EFCAB3: variants seen among roughly 807,000 people sequenced by gnomAD.
The protein encoded by EFCAB3 is EF-hand calcium binding domain 3, also known as EF-hand calcium-binding domain-containing protein 3.
EFCAB3 carries 36 observed loss-of-function variants against 42.2 expected under a neutral mutation model. The ratio of observed to expected loss-of-function variants is 0.85; its 90% CI spans 0.65 to 1.13. The LOEUF (loss-of-function observed/expected upper bound fraction) is 1.13. Ranked by LOEUF, EFCAB3 falls within the 50% of genes most tolerant of loss-of-function variation. EFCAB3 has a pLI of 0.00. For missense variants in EFCAB3, 418 were observed against 505.1 expected, an observed-to-expected ratio of 0.83 and a Z score of 1.65; for synonymous variants, 170 against 172.8, an observed-to-expected ratio of 0.98 and a Z score of 0.13.
intron 8 of EFCAB3, among the ~76,000 whole-genome samples, chr17:62,410,014 A>G (rs146603917): frequency 0.072 from 10,969 of 151,892 alleles, 485 homozygotes; most frequent in South Asian, 0.24. Flanking sequence ...AGCCTGACCA[A>G]CATGGAGAAA....
chr17:62,383,499 G>T (rs576304900), intron 2 of EFCAB3, among the ~76,000 whole-genome samples: 9 of 152,090 alleles, frequency 5.9e-5, no homozygotes, highest in Admixed American at 3.3e-4. Flanking sequence ...TATATTAAAT[G>T]CTCATAAAGA....
At chr17:62,398,121 G>A (rs556286073) in intron 6 of EFCAB3, 3 of 284,738 alleles carry the variant, frequency 1.1e-5, no homozygotes, top group South Asian at 9.9e-5. Context: ...ACAAAGGCAC[G>A]AAGGAAAGAC....
chr17:62,406,428 T>A (rs779820863), intron 6 of EFCAB3, 52 bp from the exon 7 acceptor site: 2 of 1,462,708 alleles, frequency 1.4e-6, no homozygotes, highest in Non-Finnish European at 1.8e-6. Flanking sequence ...TTTTTAAAAT[T>A]TTTGTCCTAT....
chr17:62,406,681 C>A lies in EFCAB3; in HGVS notation c.682+8C>A. ...TTCTTGAAGAGCTCAAGAGTAAGAG[C>A]CATTTGTTCTCTCTCTACTGTTGTA... On this transcript the variant is annotated splice_region_variant and intron_variant, in intron 7 of 9. Coordinates refer to ENST00000305286, the MANE Select transcript of EFCAB3 (RefSeq NM_173503.4). The A allele has an allele frequency of 1.2e-6, 2 of 1,613,358 alleles. No homozygotes were observed. Among genetic ancestry groups the A allele is most frequent in the Non-Finnish European group, 1.7e-6 (2 of 1,179,580 alleles).
chr17:62,377,605 T>C (rs2070161143), upstream of EFCAB3, among the ~76,000 whole-genome samples: 2 of 152,202 alleles, frequency 1.3e-5, no homozygotes, highest in Non-Finnish European at 2.9e-5. Flanking sequence ...TTAAAAGGTA[T>C]CTAATTAGTC....
rs535818834 is a variant in EFCAB3, at chr17:62,396,861, A to G, written c.488+1673A>G. 2.6e-5 allele frequency among the ~76,000 whole-genome samples: 4 copies of G among 152,312 alleles called. No homozygotes were observed. In the East Asian group the frequency reaches 5.8e-4, roughly 22 times the overall value. On this transcript the variant is annotated intron_variant, in intron 6 of 9. Transcript: ENST00000305286. ...GCCACTACACTCCAACCTGGGCAAC[A>G]GAGTGAGACCTTCCTCTAAAAAAAT...
chr17:62,388,855 ATAACAGCTT>A (rs2070278483), intron 3 of EFCAB3, among the ~76,000 whole-genome samples: 1 of 152,244 alleles, frequency 6.6e-6, no homozygotes, highest in Admixed American at 6.5e-5. Context: ...TGCCTTAATA[ATAACAGCTT>A]ATGGTTTTAT....
intron 8 of EFCAB3, among the ~76,000 whole-genome samples, chr17:62,409,041 T>C (rs1483507331): frequency 6.6e-6 from 1 of 152,190 alleles, no homozygotes; most frequent in East Asian, 1.9e-4. Flanking sequence ...GTTCATTTTA[T>C]GTTACATGAA....
At chr17:62,407,774 G>A (rs2070461212) in intron 8 of EFCAB3, among the ~76,000 whole-genome samples, 1 of 152,178 alleles carries the variant, frequency 6.6e-6, no homozygotes, top group Non-Finnish European at 1.5e-5. Context: ...CAAGTTTCTA[G>A]ATAAACTCTC....
At position 62,391,944 on chromosome 17, in the gene EFCAB3, T is replaced by C. The variant is rs773378210; in HGVS notation, c.274T>C (p.Leu92=). The change falls in exon 4 of 10, where the codon TTG becomes CTG. Residue 92 remains leucine, a synonymous_variant. Coordinates refer to ENST00000305286, the MANE Select transcript of EFCAB3 (RefSeq NM_173503.4). ...GACCAAGCATGATGTCTATAATGAA[T>C]TGAAATGTGCTGATATTGATCGTGA... is the stretch of plus-strand genomic sequence containing the variant. ...NLTKHDVYNE[L]KCADIDRDGK... 53 of 1,609,640 alleles carry C rather than the reference T, an allele frequency of 3.3e-5. No individual in the cohort carries two copies. The highest frequency in any genetic ancestry group is 4.4e-5 in the Non-Finnish European group (52 of 1,177,054).
intron 1 of EFCAB3, among the ~76,000 whole-genome samples, chr17:62,373,296 T>A (rs1806890): frequency 4.4e-5 from 5 of 113,608 alleles, no homozygotes; most frequent in Admixed American, 9.7e-5. Flanking sequence ...AAAAAAAAAA[T>A]GTAGAAATAG....
intron 8 of EFCAB3, among the ~76,000 whole-genome samples, chr17:62,410,365 G>T (rs1473043506): frequency 6.6e-6 from 1 of 151,936 alleles, no homozygotes; most frequent in Non-Finnish European, 1.5e-5. Flanking sequence ...CTACAAAAAA[G>T]AAAAGAAAGA....
intron 6 of EFCAB3, among the ~76,000 whole-genome samples, 160 bp from the exon 7 acceptor site, chr17:62,406,320 T>C (rs1598019706): frequency 6.6e-6 from 1 of 152,246 alleles, no homozygotes; most frequent in African/African-American, 2.4e-5. Context: ...GTAAATATTC[T>C]ATAAATATCA....
At chr17:62,376,738 G>A (rs1019496326), upstream of EFCAB3, among the ~76,000 whole-genome samples, 1 of 152,082 alleles carries the variant, frequency 6.6e-6, no homozygotes, top group South Asian at 2.1e-4. Flanking sequence ...ATTCATATAT[G>A]AACAACTTCA....
At chr17:62,382,682 T>A (rs1050373933) in intron 1 of EFCAB3, among the ~76,000 whole-genome samples, 2 of 152,250 alleles carry the variant, frequency 1.3e-5, no homozygotes, top group African/African-American at 4.8e-5. Context: ...TTTCTGTGTC[T>A]GGCTTATTTC....
intron 6 of EFCAB3, among the ~76,000 whole-genome samples, chr17:62,402,100 C>T (rs532575891): frequency 1.0e-3 from 152 of 152,102 alleles, no homozygotes; most frequent in Non-Finnish European, 1.7e-3. Context: ...TGTCTGTTAT[C>T]GGTGTATAGG....
intron 6 of EFCAB3, among the ~76,000 whole-genome samples, chr17:62,405,300 T>C (rs1202115461): frequency 2.6e-5 from 4 of 152,208 alleles, no homozygotes; most frequent in African/African-American, 7.2e-5. Flanking sequence ...CAGAGCACCA[T>C]AGGCACATTT....
chr17:62,376,527 C>T (rs2070152047), upstream of EFCAB3, among the ~76,000 whole-genome samples: 1 of 152,114 alleles, frequency 6.6e-6, no homozygotes, highest in Non-Finnish European at 1.5e-5. Context: ...TTTCTTAATG[C>T]CATATTGACA....
chr17:62,373,795 A>T, intron 1 of EFCAB3: 1 of 1,481,496 alleles, frequency 6.7e-7, no homozygotes, highest in Admixed American at 2.1e-5. Context: ...CTCTGTATCT[A>T]AACCAAAATG....
Sources: allele counts gnomAD v4.1 joint callset (sites outside exome capture counted in the v4.1 genomes callset), GRCh38; gene constraint gnomAD v4.1.1; transcripts MANE v1.5; gene names NCBI Gene and HGNC (gene_info 2026-07-23, HGNC 2026-07-21).